The following PARD3B variants were observed in gnomAD, a reference collection of about 807,000 sequenced individuals.
PARD3B encodes par-3 family cell polarity regulator beta, also known as partitioning defective 3 homolog B.
PARD3B carries 103 observed loss-of-function variants against 130.2 expected under a neutral mutation model. The ratio of observed to expected loss-of-function variants is 0.79; its 90% CI spans 0.67 to 0.93. The LOEUF (loss-of-function observed/expected upper bound fraction) is 0.93, where lower values mean the gene tolerates loss of function less well. PARD3B is among the 40% of genes least tolerant of loss of function. The pLI is 0.00. For synonymous variants in PARD3B, 583 were observed against 553.2 expected, an observed-to-expected ratio of 1.05 and a Z score of -0.76; for missense variants, 1,609 against 1,499.2, an observed-to-expected ratio of 1.07 and a Z score of -1.21.
intron 2 of PARD3B, among the ~76,000 whole-genome samples, chr2:204,809,634 G>T (rs1443507905): frequency 6.6e-6 from 1 of 152,078 alleles, no homozygotes; most frequent in East Asian, 1.9e-4. Flanking sequence ...TGCTGTTTTG[G>T]TTATTGTAGC....
intron 2 of PARD3B, among the ~76,000 whole-genome samples, chr2:204,808,756 A>C (rs1401496784): frequency 6.6e-6 from 1 of 152,038 alleles, no homozygotes; most frequent in Non-Finnish European, 1.5e-5. Flanking sequence ...GGTTGATTCC[A>C]TTTCTTTGCT....
At chr2:204,650,765 A>G (rs1388338627) in intron 1 of PARD3B, among the ~76,000 whole-genome samples, 1 of 152,138 alleles carries the variant, frequency 6.6e-6, no homozygotes, top group Admixed American at 6.5e-5. Context: ...TTGATGAAGA[A>G]AAGAGGTTTA....
chr2:204,858,254 A>G (rs537022982), intron 2 of PARD3B, among the ~76,000 whole-genome samples: 2 of 152,268 alleles, frequency 1.3e-5, no homozygotes, highest in South Asian at 4.1e-4. Flanking sequence ...ACCAGAGAGG[A>G]TCACCTCAAT....
At chr2:204,552,070 A>G (rs1467823260) in intron 1 of PARD3B, among the ~76,000 whole-genome samples, 1 of 152,204 alleles carries the variant, frequency 6.6e-6, no homozygotes, top group Admixed American at 6.5e-5. Context: ...ATCGCCACAA[A>G]TGGCTTGCCT....
At chr2:205,037,349 AC>A (rs1698047896) in intron 3 of PARD3B, among the ~76,000 whole-genome samples, 2 of 90,568 alleles carry the variant, frequency 2.2e-5, no homozygotes, top group South Asian at 1.0e-3. Flanking sequence ...TATATAGTGG[AC>A]TATTTGTATA....
intron 2 of PARD3B, among the ~76,000 whole-genome samples, chr2:204,755,407 A>G (rs948288718): frequency 6.6e-6 from 1 of 152,138 alleles, no homozygotes; most frequent in African/African-American, 2.4e-5. Context: ...TAGAATTTCA[A>G]TCCTTTGTGT....
rs2035946488 is a variant in PARD3B at position 205,183,944 on chromosome 2, CG to C, written c.1925-1817del. ...GGCGTGGTTTCAGTCTGAAGACAAA[CG>C]GGCTTGAGACTCAGGAAGAACTGAT... On this transcript the variant is annotated intron_variant, in intron 13 of 22. Transcript: ENST00000406610. This position sits in a 1 kb window ranked among gnomAD's most constrained non-coding sequence, Gnocchi z 5.2. 1.3e-5 allele frequency among the ~76,000 whole-genome samples: 2 copies of C among 151,976 alleles called. No homozygotes were observed. The highest frequency in any genetic ancestry group is 2.9e-5 in the Non-Finnish European group (2 of 68,006).
intron 18 of PARD3B, among the ~76,000 whole-genome samples, chr2:205,350,784 A>G (rs2043969602): frequency 6.6e-6 from 1 of 152,144 alleles, no homozygotes; most frequent in South Asian, 2.1e-4. Flanking sequence ...TTCCGATGCT[A>G]TTTTTAATAT....
chr2:205,594,118 A>G (rs1461458176), intron 22 of PARD3B, among the ~76,000 whole-genome samples: 2 of 152,148 alleles, frequency 1.3e-5, no homozygotes, highest in Admixed American at 6.5e-5. Context: ...CAGGGCCATG[A>G]AATTATAACC....
At position 205,562,309 on chromosome 2, in the gene PARD3B, G is replaced by A. The variant is rs2106523712; in HGVS notation, c.3260+8906G>A. Among the ~76,000 whole-genome samples the A allele has an allele frequency of 6.6e-6, 1 of 152,282 alleles. No individual in the cohort carries two copies. Among genetic ancestry groups the A allele is most frequent in the East Asian group, 1.9e-4 (1 of 5,182 alleles). ...CATTATGAGTTTAGTTAGAATATTAGTGATTTAAAACATGTTAAGACTCAT... is the reference window on the plus strand; with the variant it reads ...CATTATGAGTTTAGTTAGAATATTAATGATTTAAAACATGTTAAGACTCAT... On this transcript the variant is annotated intron_variant, in intron 22 of 22. Transcript: ENST00000406610. This position sits in a 1 kb window ranked among gnomAD's most constrained non-coding sequence, Gnocchi z 5.4.
At chr2:204,911,144 C>G (rs1271006984) in intron 2 of PARD3B, among the ~76,000 whole-genome samples, 2 of 152,086 alleles carry the variant, frequency 1.3e-5, no homozygotes, top group Non-Finnish European at 2.9e-5. Flanking sequence ...CATACAAATG[C>G]CCAATAATCC....
At chr2:204,868,585 T>C (rs1462520856) in intron 2 of PARD3B, among the ~76,000 whole-genome samples, 1 of 152,170 alleles carries the variant, frequency 6.6e-6, no homozygotes, top group Non-Finnish European at 1.5e-5. Flanking sequence ...CCCGGAGAAT[T>C]TGAGTTTCCT....
At chr2:204,973,074 C>A (rs1439806531) in intron 3 of PARD3B, among the ~76,000 whole-genome samples, 1 of 152,140 alleles carries the variant, frequency 6.6e-6, no homozygotes, top group Non-Finnish European at 1.5e-5. Context: ...CTTCCCCATG[C>A]CCCCACCAGT....
rs551216409 is a variant in PARD3B at position 205,169,286 on chromosome 2, C to G, written c.1621-2925C>G. ...TGATGCTTGTGATGAATGTGAATGTCTTTGAAAAAAAATTTCAGCTGCCCT... is the reference window on the plus strand; with the variant it reads ...TGATGCTTGTGATGAATGTGAATGTGTTTGAAAAAAAATTTCAGCTGCCCT... On this transcript the variant is annotated intron_variant, in intron 11 of 22. Transcript: ENST00000406610. 7.9e-5 allele frequency among the ~76,000 whole-genome samples: 12 copies of G among 152,162 alleles called. No individual in the cohort carries two copies. The South Asian group carries it at 2.1e-3, about 26-fold the overall frequency.
intron 18 of PARD3B, among the ~76,000 whole-genome samples, chr2:205,344,397 G>C (rs950025643): frequency 1.3e-5 from 2 of 152,222 alleles, no homozygotes; most frequent in Admixed American, 1.3e-4. Flanking sequence ...ATACTGGAGG[G>C]AGAGGGATGA....
At chr2:205,117,773 G>A (rs1007852349) in intron 6 of PARD3B, among the ~76,000 whole-genome samples, 1 of 152,088 alleles carries the variant, frequency 6.6e-6, no homozygotes, top group Admixed American at 6.5e-5. Flanking sequence ...TCTTACTCTG[G>A]ACACAGCTAA....
intron 1 of PARD3B, among the ~76,000 whole-genome samples, chr2:204,589,456 G>A (rs986721662): frequency 1.3e-5 from 2 of 152,170 alleles, no homozygotes; most frequent in East Asian, 1.9e-4. Context: ...ATGGACTTTC[G>A]AGCACTGGTT....
At chr2:204,970,447 A>G (rs920480178) in intron 3 of PARD3B, among the ~76,000 whole-genome samples, 1 of 152,216 alleles carries the variant, frequency 6.6e-6, no homozygotes, top group Non-Finnish European at 1.5e-5. Context: ...TCACCACCAT[A>G]TCTCCCTGGG....
intron 21 of PARD3B, among the ~76,000 whole-genome samples, chr2:205,514,162 T>G (rs1377363685): frequency 6.6e-6 from 1 of 152,154 alleles, no homozygotes; most frequent in Non-Finnish European, 1.5e-5. Flanking sequence ...AGAGTAGATT[T>G]TCTAACAACT....
Sources: gnomAD v4.1 joint callset for allele counts (sites outside exome capture counted in the v4.1 genomes callset) on GRCh38, gnomAD v4.1.1 for gene constraint, Gnocchi (gnomAD v3.1) non-coding constraint, MANE v1.5 for transcripts, NCBI Gene and HGNC (gene_info 2026-07-23, HGNC 2026-07-21) for gene names.